EHD4: variants seen among roughly 807,000 people sequenced by gnomAD.
The protein encoded by EHD4 is EH domain containing 4.
In EHD4, 37 loss-of-function variants were observed where a neutral mutation model predicts 51.0. The observed-to-expected ratio is 0.73, with a 90% CI of 0.56 to 0.95. The LOEUF (loss-of-function observed/expected upper bound fraction) is 0.95, where lower values mean the gene tolerates loss of function less well. EHD4 is among the 40% of genes least tolerant of loss of function. The probability of loss-of-function intolerance (pLI) is 0.00; values close to 1 mark genes in which losing one functional copy is unlikely to be tolerated. For missense variants in EHD4, 632 were observed against 733.1 expected (o/e 0.86, Z 1.59); for synonymous variants, 297 against 317.3 (o/e 0.94, Z 0.68).
chr15:41,923,559 C>T lies in EHD4; in HGVS notation c.512-3937G>A, dbSNP rs370073108. ...AGACTCCTAGGCCCCTCCCCAGAGC[C>T]ACTGAATCAGAATCCCTGGGGCTGA... On this transcript the variant is annotated intron_variant, in intron 3 of 5. Transcript: ENST00000220325. Among the ~76,000 whole-genome samples, 6 of 152,196 alleles carry T rather than the reference C, an allele frequency of 3.9e-5. No individual in the cohort carries two copies. The East Asian group carries it at 1.2e-3, about 29-fold the overall frequency.
At chr15:41,962,082 T>G (rs1184849201) in intron 1 of EHD4, among the ~76,000 whole-genome samples, 1 of 152,136 alleles carries the variant, frequency 6.6e-6, no homozygotes, top group Non-Finnish European at 1.5e-5. Flanking sequence ...TAATAAGAGC[T>G]CCATAGGACC....
chr15:41,909,884 C>G (rs2067537534), intron 4 of EHD4, 21 bp from the exon 5 acceptor site: 1 of 1,613,358 alleles, frequency 6.2e-7, no homozygotes, highest in Non-Finnish European at 8.5e-7. Context: ...ATAGATCAGG[C>G]AGGGAAGTGT....
At chr15:41,931,065 C>G (rs532117196) in intron 3 of EHD4, among the ~76,000 whole-genome samples, 1 of 152,164 alleles carries the variant, frequency 6.6e-6, no homozygotes, top group African/African-American at 2.4e-5. Flanking sequence ...AAAAAGACCG[C>G]CGCTCCTTTT....
intron 3 of EHD4, among the ~76,000 whole-genome samples, chr15:41,927,097 C>T (rs889125612): frequency 8.5e-5 from 13 of 152,316 alleles, no homozygotes; most frequent in African/African-American, 3.1e-4. Flanking sequence ...GAATTTCCTT[C>T]ATAGCACTTA....
rs1233440197 is a variant in EHD4 at position 41,900,547 on chromosome 15, G to C, written c.*98C>G. On this transcript the variant is annotated 3_prime_UTR_variant, in exon 6 of 6. Coordinates refer to ENST00000220325, the MANE Select transcript of EHD4 (RefSeq NM_139265.4). This position sits in a 1 kb window ranked among gnomAD's most constrained non-coding sequence, Gnocchi z 4.8. ...ACAGATGGGGAAACCAAGGCACAGA[G>C]AGGGCAGTGCCTTGCCCAAGGTCAT... The C allele has an allele frequency of 8.0e-7, 1 of 1,248,240 alleles. No individual in the cohort carries two copies. Among genetic ancestry groups the C allele is most frequent in the Admixed American group, 2.7e-5 (1 of 36,922 alleles). The allele number at this position is 1,248,240 out of a possible 1,614,324, so 77.3% of individuals were successfully genotyped here.
intron 3 of EHD4, among the ~76,000 whole-genome samples, chr15:41,933,380 T>G (rs986703947): frequency 7.2e-5 from 11 of 152,224 alleles, no homozygotes; most frequent in Admixed American, 6.5e-5. Flanking sequence ...TATGGAGCAC[T>G]TAGGTATGAA....
rs559453796 is a variant in EHD4 at position 41,903,750 on chromosome 15, G to C, written c.1090-2569C>G. 6.6e-5 allele frequency among the ~76,000 whole-genome samples: 10 copies of C among 152,124 alleles called. No individual in the cohort carries two copies. The South Asian group carries it at 1.9e-3, about 28-fold the overall frequency. On this transcript the variant is annotated intron_variant, in intron 5 of 5. Coordinates refer to ENST00000220325, the MANE Select transcript of EHD4 (RefSeq NM_139265.4). ...ATTCCTGGGTGGTAGTTGGTGGGGG[G>C]ACAGAGCTGAGAAATATCAGCTAAA...
chr15:41,902,934 C>T (rs1321113213), intron 5 of EHD4, among the ~76,000 whole-genome samples: 2 of 150,922 alleles, frequency 1.3e-5, no homozygotes, highest in African/African-American at 2.4e-5. Flanking sequence ...AGCTCAGTTG[C>T]CCAGGGGGAC....
chr15:41,942,986 T>C (rs941957733), intron 3 of EHD4, 81 bp downstream of exon 3: 2 of 1,320,786 alleles, frequency 1.5e-6, no homozygotes, highest in South Asian at 2.5e-5. Context: ...GATAGAATAA[T>C]ATAGGGACAG....
At chr15:41,943,427 C>T (rs2067790215) in intron 2 of EHD4, among the ~76,000 whole-genome samples, 1 of 152,202 alleles carries the variant, frequency 6.6e-6, no homozygotes, top group African/African-American at 2.4e-5. Flanking sequence ...CTGCCATCTG[C>T]CACCTGATGC....
chr15:41,965,854 T>C (rs2067958348), intron 1 of EHD4, among the ~76,000 whole-genome samples: 1 of 152,256 alleles, frequency 6.6e-6, no homozygotes, highest in East Asian at 1.9e-4. Context: ...AGGTGGATGA[T>C]GTGACAACTG....
At chr15:41,905,211 T>A (rs573489176) in intron 5 of EHD4, among the ~76,000 whole-genome samples, 22 of 152,276 alleles carry the variant, frequency 1.4e-4, no homozygotes, top group African/African-American at 5.1e-4. Flanking sequence ...GCTTGCAGTA[T>A]CAGGTGACAC....
rs541767175 is a variant in EHD4 at position 41,960,451 on chromosome 15, A to C, written c.237-6511T>G. 3.9e-5 allele frequency among the ~76,000 whole-genome samples: 6 copies of C among 152,302 alleles called. No homozygotes were observed. In the East Asian group the frequency reaches 1.2e-3, roughly 29 times the overall value. On this transcript the variant is annotated intron_variant, in intron 1 of 5. Coordinates refer to ENST00000220325, the MANE Select transcript of EHD4 (RefSeq NM_139265.4). ...ACCATTAGTCTTTCCTCATACCATT[A>C]AAAATTCTTTGAAAACATGATTTTT...
At chr15:41,924,878 G>A (rs576894766) in intron 3 of EHD4, among the ~76,000 whole-genome samples, 1 of 152,002 alleles carries the variant, frequency 6.6e-6, no homozygotes, top group South Asian at 2.1e-4. Context: ...CCAACTTCGC[G>A]AAACCCTGTC....
At chr15:41,941,750 G>A (rs1445851172) in intron 3 of EHD4, 2 of 152,090 alleles carry the variant, frequency 1.3e-5, no homozygotes, top group Non-Finnish European at 1.5e-5. Flanking sequence ...GCGGGACCAC[G>A]GAGCAGCAGA....
intron 2 of EHD4, among the ~76,000 whole-genome samples, chr15:41,951,367 C>G (rs1259051729): frequency 6.6e-6 from 1 of 152,168 alleles, no homozygotes; most frequent in African/African-American, 2.4e-5. Flanking sequence ...TTATTTTCAG[C>G]AAGTTTTAAA....
intron 3 of EHD4, among the ~76,000 whole-genome samples, chr15:41,936,201 T>A: frequency 6.6e-6 from 1 of 152,186 alleles, no homozygotes; most frequent in South Asian, 2.1e-4. Flanking sequence ...TCCAGACTCA[T>A]GAAGAGAAGA....
intron 4 of EHD4, among the ~76,000 whole-genome samples, chr15:41,913,265 C>A (rs2067561606): frequency 1.3e-5 from 2 of 152,226 alleles, no homozygotes; most frequent in South Asian, 4.1e-4. Flanking sequence ...AGAGATCACT[C>A]CTGCAATTAT....
intron 3 of EHD4, among the ~76,000 whole-genome samples, chr15:41,924,090 T>A (rs2067645573): frequency 6.6e-6 from 1 of 152,232 alleles, no homozygotes; most frequent in Admixed American, 6.5e-5. Context: ...GCATTGAGAC[T>A]TTGTTAACTT....
Sources: allele counts gnomAD v4.1 joint callset (sites outside exome capture counted in the v4.1 genomes callset), GRCh38; gene constraint gnomAD v4.1.1; non-coding constraint Gnocchi (gnomAD v3.1); transcripts MANE v1.5; gene names NCBI Gene and HGNC (gene_info 2026-07-23, HGNC 2026-07-21).